Variants in ASAP1 observed in about 807,000 individuals in gnomAD.
ASAP1 encodes ArfGAP with SH3 domain, ankyrin repeat and PH domain 1.
A neutral mutation model predicts 145.2 loss-of-function variants in ASAP1; 43 were observed. That is an observed-to-expected ratio of 0.30 (90% CI 0.23 to 0.38). The LOEUF (loss-of-function observed/expected upper bound fraction) is 0.38. ASAP1 is among the 10% of genes least tolerant of loss of function. ASAP1 has a pLI of 1.00. For missense variants in ASAP1, 1,018 were observed against 1,355.3 expected (o/e 0.75, Z 3.91); for synonymous variants, 546 against 515.5 (o/e 1.06, Z -0.80).
chr8:130,430,029 A>G (rs1830083073), intron 1 of ASAP1, among the ~76,000 whole-genome samples: 1 of 152,162 alleles, frequency 6.6e-6, no homozygotes. Flanking sequence ...CATCGGCTTG[A>G]AGTCAGGAAG....
chr8:130,432,255 C>T (rs1341435963), intron 1 of ASAP1, among the ~76,000 whole-genome samples: 1 of 151,936 alleles, frequency 6.6e-6, no homozygotes, highest in Non-Finnish European at 1.5e-5. Flanking sequence ...AAAATAATCA[C>T]AATAGTAAAG....
At position 130,400,816 on chromosome 8, in the gene ASAP1, C is replaced by G. The variant is rs191602711; in HGVS notation, c.59+1069G>C. On this transcript the variant is annotated intron_variant, in intron 2 of 29. Transcript: ENST00000518721. ...AAAAAAAAAAAAAAAAGGCAAGGGT[C>G]CTGCAGTAAGGGAAAATTGACTTAC... Among the ~76,000 whole-genome samples the G allele has an allele frequency of 3.7e-3, 562 of 150,584 alleles. 9 individuals are homozygous for G. Among genetic ancestry groups the G allele is most frequent in the Admixed American group, 0.035 (531 of 15,140 alleles).
intron 25 of ASAP1, among the ~76,000 whole-genome samples, chr8:130,091,697 G>A (rs1432195464): frequency 6.6e-6 from 1 of 152,216 alleles, no homozygotes; most frequent in Non-Finnish European, 1.5e-5. Flanking sequence ...ATATATAAAC[G>A]AGACTAATAA....
intron 3 of ASAP1, among the ~76,000 whole-genome samples, chr8:130,300,321 C>T (rs181058286): frequency 6.6e-6 from 1 of 152,158 alleles, no homozygotes; most frequent in Admixed American, 6.6e-5. Flanking sequence ...CCAAACAAGA[C>T]ATCTAAATGA....
At chr8:130,239,206 G>C (rs1818383682) in intron 3 of ASAP1, among the ~76,000 whole-genome samples, 1 of 151,996 alleles carries the variant, frequency 6.6e-6, no homozygotes, top group African/African-American at 2.4e-5. Context: ...AGACATTTCA[G>C]GGAAGAGATA....
intron 26 of ASAP1, among the ~76,000 whole-genome samples, chr8:130,077,381 A>C (rs1246013594): frequency 6.6e-6 from 1 of 152,088 alleles, no homozygotes; most frequent in African/African-American, 2.4e-5. Context: ...CTTTAACAAG[A>C]GGTTTTGGCG....
chr8:130,278,807 G>A (rs905005453), intron 3 of ASAP1, among the ~76,000 whole-genome samples: 1 of 152,188 alleles, frequency 6.6e-6, no homozygotes, highest in East Asian at 1.9e-4. Context: ...ACCGTACCCA[G>A]TAACCACTCT....
rs1361499517 is a variant in ASAP1, at chr8:130,268,531, ACAC to A, written c.187-31540_187-31538del. Among the ~76,000 whole-genome samples the A allele has an allele frequency of 8.4e-3, 1,265 of 149,710 alleles. 22 individuals carry two copies. The highest frequency in any genetic ancestry group is 0.029 in the African/African-American group (1,174 of 40,686). ...CACACACACACACACACACACACACACACAACTGTGTAACTATAGAGCAATATT... is the reference window on the plus strand; with the variant it reads ...CACACACACACACACACACACACACAAACTGTGTAACTATAGAGCAATATT... On this transcript the variant is annotated intron_variant, in intron 3 of 29. Transcript: ENST00000518721.
chr8:130,387,235 C>T (rs1228432442), intron 2 of ASAP1, among the ~76,000 whole-genome samples: 1 of 151,998 alleles, frequency 6.6e-6, no homozygotes, highest in Non-Finnish European at 1.5e-5. Flanking sequence ...AGACCAAGGC[C>T]CATTAAAAAA....
In ASAP1 at chr8:130,396,347, G is replaced by A. The variant is rs118007854; in HGVS notation, c.59+5538C>T. ...TGAGTGTAGGACCTGGCACACAGTC[G>A]CTGCTTAATAAATTTTAAAGGCAGG... is the stretch of plus-strand genomic sequence containing the variant. On this transcript the variant is annotated intron_variant, in intron 2 of 29. Coordinates refer to ENST00000518721, the MANE Select transcript of ASAP1 (RefSeq NM_018482.4). Among the ~76,000 whole-genome samples, 309 of 152,250 alleles carry A rather than the reference G, an allele frequency of 2.0e-3. 3 individuals are homozygous for A. Among genetic ancestry groups the A allele is most frequent in the Admixed American group, 3.9e-3 (60 of 15,294 alleles).
chr8:130,375,523 G>T (rs1272272208), intron 2 of ASAP1, among the ~76,000 whole-genome samples: 1 of 151,178 alleles, frequency 6.6e-6, no homozygotes, highest in African/African-American at 2.4e-5. Context: ...TTGTGCCACT[G>T]CTCTCCAGTA....
chr8:130,418,210 C>T lies in ASAP1; in HGVS notation c.-27-16240G>A, dbSNP rs562045162. Among the ~76,000 whole-genome samples the T allele has an allele frequency of 3.9e-5, 6 of 152,286 alleles. 1 individual carries two copies. Among genetic ancestry groups the T allele is most frequent in the African/African-American group, 1.4e-4 (6 of 41,556 alleles). ...GTCTTTCTTTAATGTTTTTTTCCAA[C>T]AGGTTTCTTGACTTATAATTCACAT... is the stretch of plus-strand genomic sequence containing the variant. On this transcript the variant is annotated intron_variant, in intron 1 of 29. Coordinates refer to ENST00000518721, the MANE Select transcript of ASAP1 (RefSeq NM_018482.4).
intron 25 of ASAP1, chr8:130,084,306 T>C (rs2135361609): frequency 6.6e-6 from 1 of 152,246 alleles, no homozygotes; most frequent in South Asian, 2.1e-4. Flanking sequence ...AAGAAAAGTG[T>C]GGCTAGAAAA....
chr8:130,234,734 G>A (rs1327989271), intron 4 of ASAP1, among the ~76,000 whole-genome samples: 7 of 152,116 alleles, frequency 4.6e-5, no homozygotes, highest in African/African-American at 9.7e-5. Context: ...GCAGCACCTC[G>A]TGGCTGTAAA....
intron 1 of ASAP1, among the ~76,000 whole-genome samples, chr8:130,442,747 G>A (rs1830528807): frequency 6.6e-6 from 1 of 152,142 alleles, no homozygotes; most frequent in Non-Finnish European, 1.5e-5. Flanking sequence ...AACTGCTTTA[G>A]AAGTGCCCAA....
In ASAP1 at chr8:130,270,709, A is replaced by G. The variant is rs148255828; in HGVS notation, c.187-33715T>C. Among the ~76,000 whole-genome samples, 372 of 152,338 alleles carry G rather than the reference A, an allele frequency of 2.4e-3. 2 individuals are homozygous for G. Among genetic ancestry groups the G allele is most frequent in the Non-Finnish European group, 3.5e-3 (238 of 68,018 alleles). ...AAAACAAACAAAATCTATCCTAAAC[A>G]GAGGTACCTAAAGAAGGTAATTCTG... On this transcript the variant is annotated intron_variant, in intron 3 of 29. Coordinates refer to ENST00000518721, the MANE Select transcript of ASAP1 (RefSeq NM_018482.4).
intron 3 of ASAP1, among the ~76,000 whole-genome samples, chr8:130,270,660 G>T (rs1267757724): frequency 1.3e-5 from 2 of 152,142 alleles, no homozygotes; most frequent in African/African-American, 4.8e-5. Context: ...AAGGCAATTT[G>T]GTTCTAATAT....
At chr8:130,254,235 G>C (rs992812878) in intron 3 of ASAP1, among the ~76,000 whole-genome samples, 11 of 152,220 alleles carry the variant, frequency 7.2e-5, no homozygotes, top group African/African-American at 2.6e-4. Flanking sequence ...ATTCCAGTGG[G>C]TTTTTCTTTT....
intron 3 of ASAP1, among the ~76,000 whole-genome samples, chr8:130,304,841 AT>A (rs1822894817): frequency 6.6e-6 from 1 of 152,212 alleles, no homozygotes. Flanking sequence ...CTTTCTCAAA[AT>A]TACAAAACAA....
Sources: gnomAD v4.1 joint callset for allele counts (sites outside exome capture counted in the v4.1 genomes callset) on GRCh38, gnomAD v4.1.1 for gene constraint, MANE v1.5 for transcripts, NCBI Gene and HGNC (gene_info 2026-07-23, HGNC 2026-07-21) for gene names.